Variants in C1orf87 observed in about 807,000 individuals in gnomAD.
The protein encoded by C1orf87 is chromosome 1 open reading frame 87.
C1orf87 carries 58 observed loss-of-function variants against 60.5 expected under a neutral mutation model. The observed-to-expected ratio is 0.96, with a 90% CI of 0.78 to 1.19. C1orf87 has a LOEUF of 1.19. Among genes scored for constraint, C1orf87 ranks in the 50% most tolerant of loss-of-function variants. C1orf87 has a pLI of 0.00. For missense variants in C1orf87, 673 were observed against 638.6 expected (o/e 1.05, Z -0.58); for synonymous variants, 236 against 227.4 (o/e 1.04, Z -0.34).
At chr1:60,055,147 T>C in intron 3 of C1orf87, 57 bp downstream of exon 3, 2 of 1,416,304 alleles carry the variant, frequency 1.4e-6, no homozygotes, top group Admixed American at 1.7e-5. Context: ...CCTATGTTTT[T>C]ATCTATATTT....
chr1:60,072,703 G>A, intron 1 of C1orf87, 33 bp from the exon 2 acceptor site: 2 of 1,197,254 alleles, frequency 1.7e-6, no homozygotes, highest in African/African-American at 1.5e-5. Flanking sequence ...TGTTCCTCTT[G>A]ATTTTCCATT....
At chr1:60,059,929 C>A (rs933775794) in intron 2 of C1orf87, among the ~76,000 whole-genome samples, 4 of 152,110 alleles carry the variant, frequency 2.6e-5, no homozygotes, top group African/African-American at 7.2e-5. Flanking sequence ...GACAACCAGA[C>A]TTTTCTCTTT....
rs562505110 is a variant in C1orf87, at chr1:60,047,111, C to T, written c.343-5980G>A. 1.8e-3 allele frequency among the ~76,000 whole-genome samples: 276 copies of T among 152,254 alleles called. 1 individual carries two copies. Among genetic ancestry groups the T allele is most frequent in the Middle Eastern group, 6.8e-3 (2 of 294 alleles). ...ATGGTGAAATTCTTATCCCACCATT[C>T]TTCATTTATTAACAGAAATAGTTCT... On this transcript the variant is annotated intron_variant, in intron 3 of 11. Coordinates refer to ENST00000371201, the MANE Select transcript of C1orf87 (RefSeq NM_152377.3).
intron 9 of C1orf87, among the ~76,000 whole-genome samples, chr1:60,004,300 C>A (rs1196872500): frequency 6.6e-6 from 1 of 151,860 alleles, no homozygotes; most frequent in East Asian, 1.9e-4. Context: ...AGAAAAAAAC[C>A]TACGTAAAAT....
intron 11 of C1orf87, among the ~76,000 whole-genome samples, chr1:59,997,175 C>A (rs750326349): frequency 3.3e-5 from 5 of 152,086 alleles, no homozygotes; most frequent in Non-Finnish European, 5.9e-5. Flanking sequence ...GAGACAAGGC[C>A]TGCTTGAGGC....
At chr1:60,029,726 C>T (rs990111633) in intron 7 of C1orf87, among the ~76,000 whole-genome samples, 11 of 150,592 alleles carry the variant, frequency 7.3e-5, no homozygotes, top group Non-Finnish European at 1.2e-4. Context: ...CTGCAACCTC[C>T]GCCTCCTGGG....
intron 11 of C1orf87, among the ~76,000 whole-genome samples, chr1:59,994,661 C>A (rs942464421): frequency 1.3e-5 from 2 of 152,002 alleles, no homozygotes; most frequent in African/African-American, 4.8e-5. Context: ...ACTAGTTATT[C>A]ATAATCATTC....
intron 11 of C1orf87, among the ~76,000 whole-genome samples, chr1:59,996,835 A>G (rs1644966639): frequency 6.6e-6 from 1 of 152,192 alleles, no homozygotes; most frequent in South Asian, 2.1e-4. Flanking sequence ...TGGCTCATGT[A>G]TTTCTTTCCT....
At chr1:60,054,793 T>C (rs1645441004) in intron 3 of C1orf87, among the ~76,000 whole-genome samples, 1 of 152,246 alleles carries the variant, frequency 6.6e-6, no homozygotes, top group Non-Finnish European at 1.5e-5. Context: ...CCTATAATTT[T>C]TTTTTGTAAT....
intron 8 of C1orf87, 39 bp from the exon 9 acceptor site, chr1:60,010,495 G>T (rs368686248): frequency 4.6e-4 from 712 of 1,553,234 alleles, no homozygotes; most frequent in Middle Eastern, 1.2e-3. Flanking sequence ...TGATCAATAT[G>T]ATTGCCCTGA....
intron 3 of C1orf87, among the ~76,000 whole-genome samples, chr1:60,046,782 C>A (rs1645375207): frequency 6.6e-6 from 1 of 152,164 alleles, no homozygotes; most frequent in East Asian, 1.9e-4. Context: ...CTGCCCCTTT[C>A]ATCATTATTT....
chr1:60,010,873 T>TATAAATAAATAA (rs200821478), intron 8 of C1orf87: 2 of 25,230 alleles, frequency 7.9e-5, no homozygotes, highest in African/African-American at 1.2e-4. Context: ...CTGCTGTTGA[T>TATAAATAAATAA]ATAAATAAAT....
intron 7 of C1orf87, among the ~76,000 whole-genome samples, chr1:60,030,113 T>A (rs1574309924): frequency 6.6e-6 from 1 of 152,080 alleles, no homozygotes; most frequent in African/African-American, 2.4e-5. Flanking sequence ...AACATTGCCT[T>A]TCCCCTGAGC....
Position 60,033,683 on chromosome 1 carries a change from C to T in C1orf87, c.864-42G>A, listed in dbSNP as rs1029847570. 5.1e-6 allele frequency: 8 copies of T among 1,580,986 alleles called. No individual in the cohort carries two copies. The Admixed American group carries it at 5.3e-5, about 10-fold the overall frequency. On this transcript the variant is annotated intron_variant, in intron 6 of 11. Coordinates refer to ENST00000371201, the MANE Select transcript of C1orf87 (RefSeq NM_152377.3). ...TGGGGAAGGCTATGAAAAGGTTATC[C>T]ACCCAAGGCAGCTGCATGCTTTCCT...
At chr1:60,023,882 T>C (rs541585592) in intron 8 of C1orf87, among the ~76,000 whole-genome samples, 356 of 152,312 alleles carry the variant, frequency 2.3e-3, no homozygotes, top group African/African-American at 7.8e-3. Context: ...TGTCTCTCTG[T>C]TGTGAATTGT....
chr1:60,003,119 C>A (rs1304737733), intron 9 of C1orf87, among the ~76,000 whole-genome samples: 1 of 148,164 alleles, frequency 6.7e-6, no homozygotes, highest in Admixed American at 6.8e-5. Flanking sequence ...GGCACATATA[C>A]ACCATGGAAT....
Position 60,055,299 on chromosome 1 carries a change from C to T in C1orf87, c.247G>A (p.Val83Met). 2.5e-6 allele frequency: 4 copies of T among 1,614,134 alleles called. No homozygotes were observed. The highest frequency in any genetic ancestry group is 3.4e-6 in the Non-Finnish European group (4 of 1,180,012). Residue 83 changes from valine to methionine, a missense_variant, in exon 3 of 12, where the codon GTG (valine) becomes ATG (methionine). Coordinates refer to ENST00000371201, the MANE Select transcript of C1orf87 (RefSeq NM_152377.3). ...DQQTTDNPDD[V>M]KEKKHPENNQ... ...TTCTCTGGGTGCTTTTTCTCTTTCA[C>T]ATCATCTGGATTATCAGTGGTTTGC...
intron 6 of C1orf87, among the ~76,000 whole-genome samples, chr1:60,035,166 C>T (rs1020151357): frequency 1.3e-5 from 2 of 152,202 alleles, no homozygotes; most frequent in Non-Finnish European, 2.9e-5. Context: ...ATTTGCTTTA[C>T]CAGCCTCTCT....
At chr1:60,007,262 A>G (rs1360181465) in intron 9 of C1orf87, among the ~76,000 whole-genome samples, 1 of 152,014 alleles carries the variant, frequency 6.6e-6, no homozygotes, top group African/African-American at 2.4e-5. Context: ...CCATGCTTCA[A>G]TCTGGATATT....
Sources: gnomAD v4.1 joint callset for allele counts (sites outside exome capture counted in the v4.1 genomes callset) on GRCh38, gnomAD v4.1.1 for gene constraint, MANE v1.5 for transcripts, NCBI Gene and HGNC (gene_info 2026-07-23, HGNC 2026-07-21) for gene names.